Variants in CARMIL1 observed in about 807,000 individuals in gnomAD.
CARMIL1 encodes the protein F-actin-uncapping protein LRRC16A.
In CARMIL1, 90 loss-of-function variants were observed where a neutral mutation model predicts 177.1. The observed-to-expected ratio is 0.51, with a 90% confidence interval of 0.43 to 0.61. The LOEUF is 0.61. CARMIL1 is among the 20% of genes least tolerant of loss of function. The probability of loss-of-function intolerance (pLI) is 0.00; values close to 1 mark genes in which losing one functional copy is unlikely to be tolerated. For missense variants in CARMIL1, 1,380 were observed against 1,667.0 expected (o/e 0.83, Z 3.00); for synonymous variants, 577 against 606.2 (o/e 0.95, Z 0.71).
At chr6:25,428,566 G>T (rs1796468642) in intron 4 of CARMIL1, among the ~76,000 whole-genome samples, 1 of 152,142 alleles carries the variant, frequency 6.6e-6, no homozygotes, top group African/African-American at 2.4e-5. Context: ...TAAAAAGCTT[G>T]CTGGAATTTT....
rs1803271859 is a variant in CARMIL1 at position 25,491,876 on chromosome 6, G to A, written c.1143+67G>A. The A allele has an allele frequency of 3.9e-6, 6 of 1,533,990 alleles. No individual in the cohort carries two copies. The South Asian group carries it at 5.7e-5, about 15-fold the overall frequency. On this transcript the variant is annotated intron_variant, in intron 14 of 36. Transcript: ENST00000329474. ...AGAAGAGCTATTTAGATGGGATGTAGGGGACCTCTAATAAAAGATTCTCCT... is the reference window on the plus strand; with the variant it reads ...AGAAGAGCTATTTAGATGGGATGTAAGGGACCTCTAATAAAAGATTCTCCT...
chr6:25,336,064 C>T (rs1786189799), intron 2 of CARMIL1, among the ~76,000 whole-genome samples: 1 of 152,110 alleles, frequency 6.6e-6, no homozygotes. Flanking sequence ...CTTCCTAGTT[C>T]ATCCCCCTTC....
At chr6:25,563,028 T>C (rs1437680143) in intron 29 of CARMIL1, among the ~76,000 whole-genome samples, 2 of 152,216 alleles carry the variant, frequency 1.3e-5, no homozygotes, top group Non-Finnish European at 2.9e-5. Context: ...GCATATGACA[T>C]AGGAATATAC....
At chr6:25,429,514 A>C (rs1796554761) in intron 4 of CARMIL1, among the ~76,000 whole-genome samples, 1 of 152,214 alleles carries the variant, frequency 6.6e-6, no homozygotes. Flanking sequence ...GCTGAATGGA[A>C]GTGGCAAGAG....
chr6:25,587,387 G>A (rs1424177477), intron 31 of CARMIL1, among the ~76,000 whole-genome samples: 2 of 152,112 alleles, frequency 1.3e-5, no homozygotes, highest in African/African-American at 4.8e-5. Flanking sequence ...CCACTCCCTG[G>A]CAGTGTGTGT....
chr6:25,438,158 T>C (rs1365660342), intron 5 of CARMIL1, among the ~76,000 whole-genome samples: 2 of 152,252 alleles, frequency 1.3e-5, no homozygotes, highest in Non-Finnish European at 2.9e-5. Context: ...CTCAGGTATC[T>C]TCTCATCTGT....
intron 2 of CARMIL1, among the ~76,000 whole-genome samples, chr6:25,296,934 T>TATC (rs11414121): frequency 0.011 from 1,287 of 114,198 alleles, 10 homozygotes; most frequent in Middle Eastern, 0.017. Flanking sequence ...TCTATCTATC[T>TATC]TTAACTAACT....
chr6:25,592,510 T>G (rs1322039882), intron 31 of CARMIL1, among the ~76,000 whole-genome samples: 1 of 152,208 alleles, frequency 6.6e-6, no homozygotes, highest in Non-Finnish European at 1.5e-5. Context: ...AGGAAAACCT[T>G]GCTCCAATAT....
rs548701449 is a variant in CARMIL1, at chr6:25,549,351, T to G, written c.2329-1559T>G. ...AAACAGAGTATTGGATTCCTGAGGT[T>G]GTTTGTATCAGGAGTGCCGGACTAT... On this transcript the variant is annotated intron_variant, in intron 26 of 36. Transcript: ENST00000329474. Among the ~76,000 whole-genome samples, 12 of 152,316 alleles carry G rather than the reference T, an allele frequency of 7.9e-5. 1 individual carries two copies. The South Asian group carries it at 1.7e-3, about 21-fold the overall frequency.
chr6:25,433,672 A>C (rs948890563), intron 4 of CARMIL1, among the ~76,000 whole-genome samples: 5 of 152,172 alleles, frequency 3.3e-5, no homozygotes, highest in African/African-American at 7.2e-5. Context: ...TTTCTTGAGG[A>C]ATGCACTGAA....
chr6:25,431,528 A>C (rs1018845216), intron 4 of CARMIL1, among the ~76,000 whole-genome samples: 2 of 151,996 alleles, frequency 1.3e-5, no homozygotes, highest in Admixed American at 1.3e-4. Flanking sequence ...ATGATGACAT[A>C]ATGACATAAC....
chr6:25,296,164 C>T (rs114130493), intron 2 of CARMIL1, among the ~76,000 whole-genome samples: 487 of 152,316 alleles, frequency 3.2e-3, no homozygotes, highest in Non-Finnish European at 5.0e-3. Flanking sequence ...TTTCTTAAGT[C>T]TCATGGTCCT....
At position 25,435,472 on chromosome 6, in the gene CARMIL1, G is replaced by T. The variant is rs1273427432; in HGVS notation, c.250-11G>T. 6.5e-7 allele frequency: 1 copy of T among 1,549,654 alleles called. No homozygotes were observed. Among genetic ancestry groups the T allele is most frequent in the Admixed American group, 2.0e-5 (1 of 50,840 alleles). ...ACTCATTCTTAAGAAGTGTCCCACCGGTTCTTGCAGATGATTGTGGAAACT... is the reference window on the plus strand; with the variant it reads ...ACTCATTCTTAAGAAGTGTCCCACCTGTTCTTGCAGATGATTGTGGAAACT... On this transcript the variant is annotated splice_polypyrimidine_tract_variant and intron_variant, in intron 4 of 36. Transcript: ENST00000329474.
intron 2 of CARMIL1, among the ~76,000 whole-genome samples, chr6:25,409,433 C>T (rs547331948): frequency 6.6e-6 from 1 of 152,268 alleles, no homozygotes; most frequent in South Asian, 2.1e-4. Context: ...AACTAGGATA[C>T]AGATTGTCTC....
intron 2 of CARMIL1, among the ~76,000 whole-genome samples, chr6:25,354,344 T>C (rs1788379456): frequency 1.6e-5 from 2 of 126,096 alleles, no homozygotes; most frequent in Non-Finnish European, 3.1e-5. Flanking sequence ...TTTTTTTTTT[T>C]TTTTTTTTTT....
At chr6:25,301,550 G>T (rs1782861814) in intron 2 of CARMIL1, among the ~76,000 whole-genome samples, 1 of 152,160 alleles carries the variant, frequency 6.6e-6, no homozygotes, top group Admixed American at 6.5e-5. Context: ...TTCATAATAT[G>T]TCTATTCCTT....
At chr6:25,426,412 ATT>A (rs5875038) in intron 3 of CARMIL1, 87 bp from the exon 4 acceptor site, 203,001 of 754,798 alleles carry the variant, frequency 0.27, 2,404 homozygotes, top group East Asian at 0.38. Flanking sequence ...TAGTTGTAGG[ATT>A]TTTTTTTTTT....
At chr6:25,450,799 TCCTCCCTC>T (rs1798750504) in intron 8 of CARMIL1, 88 bp downstream of exon 8, 9 of 10,296 alleles carry the variant, frequency 8.7e-4, no homozygotes, top group East Asian at 6.2e-3. Context: ...CTCCCTCCCT[TCCTCCCTC>T]CCCTCCCCTC....
intron 36 of CARMIL1, among the ~76,000 whole-genome samples, chr6:25,613,105 T>C (rs1263124539): frequency 6.6e-6 from 1 of 152,246 alleles, no homozygotes; most frequent in Non-Finnish European, 1.5e-5. Context: ...TAGAAATTCT[T>C]ATTAGGAAGA....
Sources: allele counts gnomAD v4.1 joint callset (sites outside exome capture counted in the v4.1 genomes callset), GRCh38; gene constraint gnomAD v4.1.1; transcripts MANE v1.5; gene names NCBI Gene and HGNC (gene_info 2026-07-23, HGNC 2026-07-21).